Variants in CPNE4 observed in about 807,000 individuals in gnomAD.
CPNE4 encodes copine 4.
Under a neutral mutation model 67.9 loss-of-function variants are expected in CPNE4, and 25 were observed. That is an observed-to-expected ratio of 0.37 (90% confidence interval 0.27 to 0.51). CPNE4 has a LOEUF of 0.51. Ranked by LOEUF, CPNE4 falls within the 20% of genes least tolerant of loss-of-function variation. The pLI is 0.93. For missense variants in CPNE4, 464 were observed against 690.8 expected (o/e 0.67, Z 3.68); for synonymous variants, 242 against 244.9 (o/e 0.99, Z 0.11).
intron 7 of CPNE4, among the ~76,000 whole-genome samples, chr3:131,626,568 A>G (rs906551250): frequency 6.6e-6 from 1 of 152,244 alleles, no homozygotes; most frequent in Non-Finnish European, 1.5e-5. Flanking sequence ...GTTTGAAGCT[A>G]GCAGAATTTG....
chr3:131,904,471 G>A (rs553105706), intron 2 of CPNE4, among the ~76,000 whole-genome samples: 17 of 152,156 alleles, frequency 1.1e-4, no homozygotes, highest in African/African-American at 3.9e-4. Context: ...GGGTTCCCAC[G>A]TGGCTCTCTT....
intron 7 of CPNE4, among the ~76,000 whole-genome samples, chr3:131,617,618 T>C (rs1002182499): frequency 3.3e-5 from 5 of 152,214 alleles, no homozygotes; most frequent in African/African-American, 1.2e-4. Flanking sequence ...TTTCTTCCCA[T>C]GCCACACTCC....
At chr3:131,821,172 A>G (rs2084946628) in intron 2 of CPNE4, among the ~76,000 whole-genome samples, 1 of 152,210 alleles carries the variant, frequency 6.6e-6, no homozygotes, top group South Asian at 2.1e-4. Context: ...TGATAATCCA[A>G]CGTTTTCATT....
intron 2 of CPNE4, among the ~76,000 whole-genome samples, chr3:131,788,441 A>AT (rs1491239435): frequency 6.8e-6 from 1 of 147,584 alleles, no homozygotes. Flanking sequence ...ATGAGTTACA[A>AT]TTTTAAAACC....
intron 14 of CPNE4, among the ~76,000 whole-genome samples, chr3:131,543,290 T>G (rs1183205416): frequency 6.6e-6 from 1 of 152,246 alleles, no homozygotes; most frequent in Non-Finnish European, 1.5e-5. Context: ...GAACTGAATT[T>G]TATATTTTAT....
chr3:131,935,201 G>T (rs952445092), intron 1 of CPNE4, among the ~76,000 whole-genome samples: 1 of 152,128 alleles, frequency 6.6e-6, no homozygotes, highest in African/African-American at 2.4e-5. Flanking sequence ...GCAAGTAGCT[G>T]GGTTCAGTTT....
At position 131,699,933 on chromosome 3, in the gene CPNE4, G is replaced by A; in HGVS notation, c.408C>T (p.Asn136=). 1 of 1,612,668 alleles carries A rather than the reference G, an allele frequency of 6.2e-7. No individual in the cohort carries two copies. The highest frequency in any genetic ancestry group is 8.5e-7 in the Non-Finnish European group (1 of 1,179,334). ...CCGTGATGGAAGATTTCCCTGCTGT[G>A]TTCCCATGCTTCAGCAAGGATTTGG... is the stretch of plus-strand genomic sequence containing the variant. ...KLSKSLLKHG[N]TAGKSSITVI... Residue 136 remains asparagine, a synonymous_variant, in exon 4 of 16, where the codon AAC becomes AAT. Transcript: ENST00000429747.
intron 1 of CPNE4, among the ~76,000 whole-genome samples, chr3:131,969,762 C>T (rs2072454354): frequency 6.6e-6 from 1 of 152,120 alleles, no homozygotes; most frequent in South Asian, 2.1e-4. Flanking sequence ...TCCTAAATGA[C>T]ATGTATATGC....
chr3:131,960,684 C>G (rs571719351), intron 1 of CPNE4, among the ~76,000 whole-genome samples: 1 of 152,180 alleles, frequency 6.6e-6, no homozygotes, highest in Non-Finnish European at 1.5e-5. Flanking sequence ...GTCTGAAGAA[C>G]CTCACTGATG....
chr3:131,844,157 A>C (rs954505588), intron 2 of CPNE4, among the ~76,000 whole-genome samples: 7 of 152,066 alleles, frequency 4.6e-5, no homozygotes, highest in African/African-American at 1.7e-4. Flanking sequence ...TACAGCATAC[A>C]CAAATGTCTG....
rs189259983 is a variant in CPNE4, at chr3:131,607,270, C to G, written c.682-19688G>C. The stretch of plus-strand genomic sequence containing the variant: ...GACAAGCAGAGAGCTGAGATTTTGG[C>G]AGTGTTAAGCAGGGCCACTGACCTA... On this transcript the variant is annotated intron_variant, in intron 7 of 15. Coordinates refer to ENST00000429747, the MANE Select transcript of CPNE4 (RefSeq NM_130808.3). Among the ~76,000 whole-genome samples the G allele has an allele frequency of 7.9e-5, 12 of 151,532 alleles. 1 individual carries two copies. Among genetic ancestry groups the G allele is most frequent in the African/African-American group, 2.9e-4 (12 of 41,334 alleles).
chr3:131,666,175 G>A (rs1430714288), intron 7 of CPNE4, among the ~76,000 whole-genome samples: 1 of 152,156 alleles, frequency 6.6e-6, no homozygotes, highest in African/African-American at 2.4e-5. Context: ...AAAGGTAGAA[G>A]AGACAGGAAT....
At chr3:131,537,929 G>A (rs1395020720) in intron 15 of CPNE4, among the ~76,000 whole-genome samples, 1 of 152,144 alleles carries the variant, frequency 6.6e-6, no homozygotes, top group Non-Finnish European at 1.5e-5. Context: ...ATTTGGGGCT[G>A]AATAATTCTT....
At chr3:131,811,633 A>G (rs781077574) in intron 2 of CPNE4, among the ~76,000 whole-genome samples, 13 of 152,138 alleles carry the variant, frequency 8.5e-5, no homozygotes, top group Non-Finnish European at 1.8e-4. Flanking sequence ...ATATTATTCA[A>G]ATTAGTCCTT....
chr3:131,877,611 T>C (rs1021813783), intron 2 of CPNE4, among the ~76,000 whole-genome samples: 1 of 152,114 alleles, frequency 6.6e-6, no homozygotes, highest in Non-Finnish European at 1.5e-5. Context: ...ATATCACTAA[T>C]AATATAAGTA....
At chr3:131,766,233 A>G (rs1253938122) in intron 2 of CPNE4, among the ~76,000 whole-genome samples, 1 of 152,168 alleles carries the variant, frequency 6.6e-6, no homozygotes, top group East Asian at 1.9e-4. Context: ...CATCTGTAAA[A>G]TGAAATTACA....
chr3:131,829,229 T>C (rs2085280068), intron 2 of CPNE4, among the ~76,000 whole-genome samples: 1 of 152,214 alleles, frequency 6.6e-6, no homozygotes, highest in African/African-American at 2.4e-5. Context: ...TACTGGGAGA[T>C]ACAATTCAGG....
intron 3 of CPNE4, among the ~76,000 whole-genome samples, chr3:131,717,880 T>TTC (rs36101311): frequency 0.2 from 8,317 of 41,962 alleles, 902 homozygotes; most frequent in African/African-American, 0.27. Context: ...TTTCTTTTCT[T>TTC]TCTTTCTTTC....
At chr3:131,964,021 G>A (rs1303292251) in intron 1 of CPNE4, among the ~76,000 whole-genome samples, 1 of 152,104 alleles carries the variant, frequency 6.6e-6, no homozygotes, top group African/African-American at 2.4e-5. Context: ...AAGCTTCCAG[G>A]GAAGGAGCAG....
Sources: allele counts gnomAD v4.1 joint callset (sites outside exome capture counted in the v4.1 genomes callset), GRCh38; gene constraint gnomAD v4.1.1; transcripts MANE v1.5; gene names NCBI Gene and HGNC (gene_info 2026-07-23, HGNC 2026-07-21).